Variants in FCHO1 observed in about 807,000 individuals in gnomAD.
FCHO1 encodes the protein F-BAR domain only protein 1.
FCHO1 carries 45 observed loss-of-function variants against 114.4 expected under a neutral mutation model. The observed-to-expected ratio is 0.39, with a 90% confidence interval of 0.31 to 0.50. The LOEUF (loss-of-function observed/expected upper bound fraction) is 0.50. Ranked by LOEUF, FCHO1 falls within the 20% of genes least tolerant of loss-of-function variation. FCHO1 has a pLI of 0.77. For missense variants in FCHO1, 1,042 were observed against 1,209.6 expected (o/e 0.86, Z 2.06); for synonymous variants, 480 against 488.9 (o/e 0.98, Z 0.24).
chr19:17,765,794 G>T (rs960672013), intron 6 of FCHO1, among the ~76,000 whole-genome samples: 1 of 151,988 alleles, frequency 6.6e-6, no homozygotes, highest in Non-Finnish European at 1.5e-5. Context: ...GGCAGCAGGA[G>T]GAGAAGGTGG....
In FCHO1 at chr19:17,770,776, T is replaced by C; in HGVS notation, c.490-16T>C. The C allele has an allele frequency of 6.2e-7, 1 of 1,613,734 alleles. No individual in the cohort carries two copies. The highest frequency in any genetic ancestry group is 1.1e-5 in the South Asian group (1 of 91,064). On this transcript the variant is annotated splice_polypyrimidine_tract_variant and intron_variant, in intron 8 of 28. Coordinates refer to ENST00000596536, the MANE Select transcript of FCHO1 (RefSeq NM_015122.3). ...GTATCGCCCTCCCATCCCCGTTTCC[T>C]CCCTGTGCTTTGTAGGCGGAGACTA... is the stretch of plus-strand genomic sequence containing the variant.
At chr19:17,767,430 G>C (rs1274028509) in intron 7 of FCHO1, among the ~76,000 whole-genome samples, 4 of 149,474 alleles carry the variant, frequency 2.7e-5, no homozygotes, top group Admixed American at 2.0e-4. Context: ...ACCCAGGCAT[G>C]ATGGCACATG....
intron 26 of FCHO1, among the ~76,000 whole-genome samples, chr19:17,785,619 G>T (rs1161639935): frequency 6.6e-6 from 1 of 152,136 alleles, no homozygotes; most frequent in Non-Finnish European, 1.5e-5. Flanking sequence ...AGATCACGAG[G>T]TCAGGAGATC....
upstream of FCHO1, among the ~76,000 whole-genome samples, chr19:17,750,972 G>C (rs2081809828): frequency 6.6e-6 from 1 of 152,010 alleles, no homozygotes; most frequent in Admixed American, 6.6e-5. Context: ...CTCCTGAGTA[G>C]CTGGGACTAC....
chr19:17,752,483 C>T (rs1167152344), intron 1 of FCHO1: 1 of 152,094 alleles, frequency 6.6e-6, no homozygotes, highest in Non-Finnish European at 1.5e-5. Flanking sequence ...AGGTCTCGAA[C>T]TCCTGACCTC....
chr19:17,753,419 C>T (rs1199789817), intron 1 of FCHO1, among the ~76,000 whole-genome samples: 1 of 152,206 alleles, frequency 6.6e-6, no homozygotes, highest in Non-Finnish European at 1.5e-5. Context: ...TCCCATGAGC[C>T]CTCCTTTAGT....
chr19:17,772,524 C>T lies in FCHO1; in HGVS notation c.662C>T (p.Ser221Leu), dbSNP rs531090742. 1.7e-5 allele frequency: 27 copies of T among 1,614,078 alleles called. No homozygotes were observed. Among genetic ancestry groups the T allele is most frequent in the South Asian group, 3.3e-5 (3 of 91,084 alleles). The change falls in exon 10 of 29, where the codon TCG becomes TTG. Residue 221 changes from serine to leucine, a missense_variant. Around this residue, in one of 3 missense-constraint regions of FCHO1, gnomAD observed 450 missense variants for 564.1 expected, o/e 0.80. Coordinates refer to ENST00000596536, the MANE Select transcript of FCHO1 (RefSeq NM_015122.3). ...GCACTGCTGGGCTCATATGCTCACTCGGTGGAGGACACGCACGTGCAGATT... is the reference window on the plus strand; with the variant it reads ...GCACTGCTGGGCTCATATGCTCACTTGGTGGAGGACACGCACGTGCAGATT... ...MKALLGSYAH[S>L]VEDTHVQIGQ... is the part of the protein sequence containing the mutation.
Position 17,778,814 on chromosome 19 carries a change from T to G in FCHO1, c.1557T>G (p.Pro519=). The G allele has an allele frequency of 6.5e-7, 1 of 1,549,028 alleles. No homozygotes were observed. ...PPEARGIRAP[P]LPDSPQPLAS... is the part of the protein sequence containing the mutation. Reference sequence around the variant, plus strand: ...AGGCCAGGGGTATCCGGGCACCGCCTCTGCCAGACTCGCCGCAGCCCCTCG... The same window carrying G: ...AGGCCAGGGGTATCCGGGCACCGCCGCTGCCAGACTCGCCGCAGCCCCTCG... The change falls in exon 20 of 29, where the codon CCT becomes CCG. Residue 519 remains proline, a synonymous_variant. Coordinates refer to ENST00000596536, the MANE Select transcript of FCHO1 (RefSeq NM_015122.3).
chr19:17,750,522 G>A (rs113937191), upstream of FCHO1, among the ~76,000 whole-genome samples: 4,067 of 150,942 alleles, frequency 0.027, 164 homozygotes, highest in African/African-American at 0.093. Flanking sequence ...GCAGTGGCTC[G>A]ATCTCCGCTC....
In FCHO1 at chr19:17,762,873, T is replaced by C. The variant is rs1295805467; in HGVS notation, c.119+20T>C. 1.3e-6 allele frequency: 2 copies of C among 1,551,058 alleles called. No homozygotes were observed. Among genetic ancestry groups the C allele is most frequent in the Non-Finnish European group, 1.8e-6 (2 of 1,123,158 alleles). On this transcript the variant is annotated intron_variant, in intron 5 of 28. Transcript: ENST00000596536. ...GGAGAGGTGAGGTCCCCAAGCCCCA[T>C]CCACCAGAGGCCACGCCCACCATCC...
Position 17,776,015 on chromosome 19 carries a change from G to A in FCHO1, c.1036G>A (p.Asp346Asn). 1.2e-6 allele frequency: 2 copies of A among 1,609,066 alleles called. No individual in the cohort carries two copies. The highest frequency in any genetic ancestry group is 1.7e-6 in the Non-Finnish European group (2 of 1,179,956). Residue 346 changes from aspartate to asparagine, a missense_variant, in exon 16 of 29, where the codon GAC (aspartate) becomes AAC (asparagine). This residue lies in a region of FCHO1 where 450 missense variants were observed against 564.1 expected (regional missense o/e 0.80). Coordinates refer to ENST00000596536, the MANE Select transcript of FCHO1 (RefSeq NM_015122.3). The surrounding 1 kb of genome is among the most constrained non-coding windows in gnomAD (Gnocchi z 4.4). Reference protein sequence around the residue: ...TAEPSRFSSSDSDFDDEEPRK... With the variant: ...TAEPSRFSSSNSDFDDEEPRK... ...CGAGCCCTCCCGTTTCTCGTCCAGC[G>A]ACTCCGACTTCGACGATGAAGAGCC...
intron 26 of FCHO1, among the ~76,000 whole-genome samples, chr19:17,785,229 A>G (rs1259280499): frequency 1.3e-5 from 2 of 152,094 alleles, no homozygotes; most frequent in African/African-American, 4.8e-5. Flanking sequence ...TATTTAATTT[A>G]TTTACTTTGA....
At chr19:17,787,444 G>A (rs554277061) in intron 27 of FCHO1, among the ~76,000 whole-genome samples, 10 of 150,748 alleles carry the variant, frequency 6.6e-5, no homozygotes, top group East Asian at 5.9e-4. Context: ...AGGAGAGGGC[G>A]TCCCAGGGCC....
At chr19:17,757,033 A>T (rs992171176) in intron 4 of FCHO1, among the ~76,000 whole-genome samples, 1 of 152,048 alleles carries the variant, frequency 6.6e-6, no homozygotes, top group Non-Finnish European at 1.5e-5. Flanking sequence ...TACTAAAAAT[A>T]CAAAAATTAG....
chr19:17,777,373 C>T (rs1321021520), intron 18 of FCHO1, among the ~76,000 whole-genome samples: 1 of 151,712 alleles, frequency 6.6e-6, no homozygotes, highest in Non-Finnish European at 1.5e-5. Context: ...CCCATCTCTA[C>T]TAAAAATACA....
intron 6 of FCHO1, among the ~76,000 whole-genome samples, chr19:17,765,706 TGTG>T (rs1379210407): frequency 2.0e-5 from 3 of 151,338 alleles, no homozygotes; most frequent in African/African-American, 7.3e-5. Flanking sequence ...AAACACATAA[TGTG>T]GTCCCCCGAT....
At chr19:17,785,647 T>C (rs1000296448) in intron 26 of FCHO1, among the ~76,000 whole-genome samples, 3 of 151,892 alleles carry the variant, frequency 2.0e-5, no homozygotes, top group African/African-American at 7.3e-5. Flanking sequence ...TCCTGGTTAA[T>C]ATGGTGAAAC....
intron 6 of FCHO1, among the ~76,000 whole-genome samples, chr19:17,764,934 G>A (rs984105068): frequency 6.6e-6 from 1 of 151,754 alleles, no homozygotes; most frequent in African/African-American, 2.4e-5. Context: ...TGTGGTGGCG[G>A]GTGCCTGTAA....
rs985173083 is a variant in FCHO1 at position 17,786,647 on chromosome 19, A to G, written c.2482+18A>G. 3.1e-5 allele frequency: 16 copies of G among 523,468 alleles called. No homozygotes were observed. Among genetic ancestry groups the G allele is most frequent in the Non-Finnish European group, 5.6e-5 (15 of 269,620 alleles). 32.4% of individuals were successfully genotyped at this position (523,468 alleles called of 1,614,324 possible). ...GGCAGGCGGTGAGCTGTGGTTGTGT[A>G]TGAGGGCTGGGTGGGAGGGACTGGG... On this transcript the variant is annotated intron_variant, in intron 27 of 28. Transcript: ENST00000596536.
Sources: allele counts gnomAD v4.1 joint callset (sites outside exome capture counted in the v4.1 genomes callset), GRCh38; gene constraint gnomAD v4.1.1; regional missense constraint gnomAD v4.1.1; non-coding constraint Gnocchi (gnomAD v3.1); transcripts MANE v1.5; gene names NCBI Gene and HGNC (gene_info 2026-07-23, HGNC 2026-07-21).